THSD7B: variants seen among roughly 807,000 people sequenced by gnomAD.
THSD7B encodes thrombospondin type 1 domain containing 7B, also known as thrombospondin type-1 domain-containing protein 7B.
THSD7B carries 138 observed loss-of-function variants against 213.6 expected under a neutral mutation model. The observed-to-expected ratio is 0.65, with a 90% CI of 0.56 to 0.74. The LOEUF is 0.74. Ranked by LOEUF, THSD7B falls within the 30% of genes least tolerant of loss-of-function variation. The pLI, the probability that THSD7B is intolerant of heterozygous loss-of-function variation, is 0.00. For synonymous variants in THSD7B, 742 were observed against 687.0 expected, an observed-to-expected ratio of 1.08 and a Z score of -1.25; for missense variants, 1,931 against 1,991.5, an observed-to-expected ratio of 0.97 and a Z score of 0.58.
At chr2:137,422,430 C>A (rs1686948589) in intron 14 of THSD7B, among the ~76,000 whole-genome samples, 1 of 152,136 alleles carries the variant, frequency 6.6e-6, no homozygotes, top group African/African-American at 2.4e-5. Flanking sequence ...TTGCTGGAGA[C>A]AAGGGCTTAC....
At chr2:136,955,248 T>C (rs1685105175) in intron 2 of THSD7B, among the ~76,000 whole-genome samples, 1 of 152,194 alleles carries the variant, frequency 6.6e-6, no homozygotes. Context: ...TTGATCACCT[T>C]GATGGAGCTG....
intron 2 of THSD7B, among the ~76,000 whole-genome samples, chr2:136,892,231 A>C (rs1032538430): frequency 6.6e-6 from 1 of 152,084 alleles, no homozygotes; most frequent in African/African-American, 2.4e-5. Flanking sequence ...GTCTCCAAGG[A>C]GAGAGCTTCC....
chr2:136,812,481 T>C (rs372628987), intron 1 of THSD7B, among the ~76,000 whole-genome samples: 20 of 152,224 alleles, frequency 1.3e-4, no homozygotes, highest in African/African-American at 4.6e-4. Flanking sequence ...AGTGAGGTAG[T>C]TGTAAGCTAA....
chr2:137,002,465 G>T (rs951812771), intron 2 of THSD7B, among the ~76,000 whole-genome samples: 1 of 152,048 alleles, frequency 6.6e-6, no homozygotes, highest in Non-Finnish European at 1.5e-5. Context: ...TGTATCTTAG[G>T]ACTCCAAAGT....
chr2:136,824,900 C>G (rs1682619825), intron 1 of THSD7B, among the ~76,000 whole-genome samples: 1 of 152,144 alleles, frequency 6.6e-6, no homozygotes, highest in Non-Finnish European at 1.5e-5. Context: ...GAAGAACTGA[C>G]AAGATATGTG....
intron 15 of THSD7B, among the ~76,000 whole-genome samples, chr2:137,465,745 G>A (rs946018737): frequency 6.6e-6 from 1 of 152,114 alleles, no homozygotes; most frequent in Non-Finnish European, 1.5e-5. Flanking sequence ...AAACAAGCCA[G>A]TAGCACTCTG....
At chr2:136,830,808 A>G (rs931016244) in intron 1 of THSD7B, among the ~76,000 whole-genome samples, 4 of 152,114 alleles carry the variant, frequency 2.6e-5, no homozygotes, top group Non-Finnish European at 4.4e-5. Flanking sequence ...GCCCTGTCGA[A>G]ATTGCTTTTT....
chr2:136,897,549 GAGCAGT>G (rs1022713402), intron 2 of THSD7B, among the ~76,000 whole-genome samples: 51 of 152,284 alleles, frequency 3.3e-4, no homozygotes, highest in African/African-American at 1.2e-3. Context: ...CCCAAAGAGT[GAGCAGT>G]AGCAAGATTT....
At chr2:136,848,822 T>C (rs1198324734) in intron 1 of THSD7B, among the ~76,000 whole-genome samples, 6 of 152,300 alleles carry the variant, frequency 3.9e-5, no homozygotes, top group Non-Finnish European at 7.4e-5. Flanking sequence ...AATTCATAAT[T>C]AATTTCTCAC....
intron 5 of THSD7B, among the ~76,000 whole-genome samples, chr2:137,125,533 CAT>C (rs1688616418): frequency 6.6e-6 from 1 of 152,184 alleles, no homozygotes. Flanking sequence ...ATTTCTACCA[CAT>C]GTGTAGTTAC....
At chr2:137,512,717 C>A (rs1481673433) in intron 15 of THSD7B, among the ~76,000 whole-genome samples, 1 of 151,894 alleles carries the variant, frequency 6.6e-6, no homozygotes, top group Non-Finnish European at 1.5e-5. Context: ...TTAAAGGACC[C>A]TGAAAAGCCT....
intron 2 of THSD7B, among the ~76,000 whole-genome samples, chr2:137,026,454 T>C (rs1379697633): frequency 6.6e-6 from 1 of 152,202 alleles, no homozygotes; most frequent in African/African-American, 2.4e-5. Flanking sequence ...CGTAAAACTT[T>C]GGGAAAAGGA....
intron 2 of THSD7B, among the ~76,000 whole-genome samples, chr2:136,955,559 C>T (rs1685109654): frequency 6.6e-6 from 1 of 151,902 alleles, no homozygotes; most frequent in Non-Finnish European, 1.5e-5. Flanking sequence ...TTTGTAGTTT[C>T]CTTTTAAAAA....
chr2:136,947,960 GTCTACCATGGCTGTCACC>G (rs1384484239), intron 2 of THSD7B, among the ~76,000 whole-genome samples: 1 of 152,134 alleles, frequency 6.6e-6, no homozygotes, highest in Non-Finnish European at 1.5e-5. Context: ...ACACTGACTC[GTCTACCATGGCTGTCACC>G]TTTACTCACG....
At chr2:137,353,505 CTA>C (rs1685060965) in intron 12 of THSD7B, among the ~76,000 whole-genome samples, 2 of 152,014 alleles carry the variant, frequency 1.3e-5, no homozygotes, top group African/African-American at 4.8e-5. Flanking sequence ...GGAGTGGACT[CTA>C]TGATATCCTG....
intron 7 of THSD7B, among the ~76,000 whole-genome samples, chr2:137,193,094 C>G (rs200197049): frequency 6.6e-6 from 1 of 152,152 alleles, no homozygotes; most frequent in African/African-American, 2.4e-5. Context: ...TCCACCCCTG[C>G]AGCCCTTCAG....
intron 20 of THSD7B, among the ~76,000 whole-genome samples, chr2:137,633,827 T>C (rs1440976514): frequency 3.3e-5 from 5 of 152,150 alleles, no homozygotes; most frequent in Admixed American, 6.6e-5. Context: ...GCACATTGTA[T>C]TCCCTTAATT....
intron 12 of THSD7B, among the ~76,000 whole-genome samples, chr2:137,299,755 T>C (rs564645854): frequency 6.6e-6 from 1 of 152,302 alleles, no homozygotes; most frequent in South Asian, 2.1e-4. Context: ...ACATTATACA[T>C]AGTTTTAACT....
intron 12 of THSD7B, among the ~76,000 whole-genome samples, chr2:137,313,162 A>C (rs368755801): frequency 1.3e-5 from 2 of 152,132 alleles, no homozygotes; most frequent in African/African-American, 4.8e-5. Context: ...GTAGGTCACT[A>C]AGGACTTGCT....
Sources: gnomAD v4.1 joint callset for allele counts (sites outside exome capture counted in the v4.1 genomes callset) on GRCh38, gnomAD v4.1.1 for gene constraint, MANE v1.5 for transcripts, NCBI Gene and HGNC (gene_info 2026-07-23, HGNC 2026-07-21) for gene names.